FRK: variants seen among roughly 807,000 people sequenced by gnomAD.
The protein encoded by FRK is fyn related Src family tyrosine kinase, also known as tyrosine-protein kinase FRK.
FRK carries 51 observed loss-of-function variants against 56.4 expected under a neutral mutation model. The observed-to-expected ratio is 0.90, with a 90% CI of 0.72 to 1.14. The LOEUF (loss-of-function observed/expected upper bound fraction) is 1.14. Among genes scored for constraint, FRK ranks in the 50% most tolerant of loss-of-function variants. FRK has a pLI of 0.00. For missense variants in FRK, 570 were observed against 601.4 expected (o/e 0.95, Z 0.55); for synonymous variants, 245 against 217.9 (o/e 1.12, Z -1.10).
At chr6:116,052,503 C>A (rs77975197) in intron 1 of FRK, among the ~76,000 whole-genome samples, 2,096 of 152,148 alleles carry the variant, frequency 0.014, 41 homozygotes, top group African/African-American at 0.048. Flanking sequence ...CTGGGAGGAG[C>A]AATGGCTCAC....
At chr6:115,981,544 C>G (rs1774200671) in intron 2 of FRK, among the ~76,000 whole-genome samples, 1 of 151,876 alleles carries the variant, frequency 6.6e-6, no homozygotes, top group Non-Finnish European at 1.5e-5. Flanking sequence ...AAATCTTTCC[C>G]TTCTCTCTCA....
chr6:116,089,856 C>T, the FRK span, among the ~76,000 whole-genome samples: 2 of 151,928 alleles, frequency 1.3e-5, no homozygotes, highest in African/African-American at 4.8e-5. Context: ...ATAACAAACC[C>T]CAAGGCACAT....
chr6:116,057,669 G>A (rs1777451313), intron 1 of FRK, among the ~76,000 whole-genome samples: 1 of 152,138 alleles, frequency 6.6e-6, no homozygotes, highest in Non-Finnish European at 1.5e-5. Context: ...TAACTACAGA[G>A]ATCTAGAATG....
intron 2 of FRK, chr6:116,002,568 T>G (rs1222100351): frequency 2.7e-6 from 1 of 365,006 alleles, no homozygotes. Flanking sequence ...AGTGAGCCAC[T>G]GCACTCCAGC....
intron 2 of FRK, among the ~76,000 whole-genome samples, chr6:115,973,717 A>G (rs1773891780): frequency 6.6e-6 from 1 of 152,108 alleles, no homozygotes; most frequent in Non-Finnish European, 1.5e-5. Context: ...TAAAAATAGA[A>G]AAAATTAGCC....
At chr6:116,025,937 A>G (rs1220840329) in intron 1 of FRK, among the ~76,000 whole-genome samples, 1 of 152,188 alleles carries the variant, frequency 6.6e-6, no homozygotes, top group Non-Finnish European at 1.5e-5. Flanking sequence ...AACTGAGATG[A>G]GGAAACTCAT....
At chr6:116,008,872 G>A (rs1337322548) in intron 1 of FRK, among the ~76,000 whole-genome samples, 1 of 152,134 alleles carries the variant, frequency 6.6e-6, no homozygotes, top group Non-Finnish European at 1.5e-5. Context: ...CTCCAAGTGT[G>A]GTCCCTAGAT....
chr6:116,041,975 C>G (rs940482114), intron 1 of FRK, among the ~76,000 whole-genome samples: 1 of 152,190 alleles, frequency 6.6e-6, no homozygotes, highest in Non-Finnish European at 1.5e-5. Flanking sequence ...CCCCACGGAG[C>G]CCAGCAAGCT....
the FRK span, among the ~76,000 whole-genome samples, chr6:116,085,715 T>G: frequency 1.9e-4 from 28 of 149,950 alleles, no homozygotes; most frequent in South Asian, 8.4e-4. Flanking sequence ...TGTGTGTGGG[T>G]GTGTGTGTGT....
chr6:115,966,669 T>G (rs1409847299), intron 4 of FRK, among the ~76,000 whole-genome samples: 2 of 152,198 alleles, frequency 1.3e-5, no homozygotes, highest in East Asian at 3.8e-4. Flanking sequence ...TATTCTTACC[T>G]CTGTTATAAA....
chr6:115,993,664 T>C (rs890239276), intron 2 of FRK, among the ~76,000 whole-genome samples: 1 of 152,010 alleles, frequency 6.6e-6, no homozygotes, highest in Non-Finnish European at 1.5e-5. Flanking sequence ...GTAAGCATGC[T>C]TTCTTGAAAA....
At chr6:115,958,290 C>T (rs887505973) in intron 4 of FRK, among the ~76,000 whole-genome samples, 1 of 151,722 alleles carries the variant, frequency 6.6e-6, no homozygotes, top group Non-Finnish European at 1.5e-5. Context: ...ACCACCCCCC[C>T]CAAAAAAGAA....
chr6:116,054,426 A>G (rs1030961952), intron 1 of FRK, among the ~76,000 whole-genome samples: 1 of 145,284 alleles, frequency 6.9e-6, no homozygotes, highest in African/African-American at 2.5e-5. Flanking sequence ...TATTATTTAT[A>G]TAGTATATTA....
chr6:115,973,045 C>T (rs1321602528), intron 2 of FRK, among the ~76,000 whole-genome samples: 1 of 152,118 alleles, frequency 6.6e-6, no homozygotes, highest in Admixed American at 6.6e-5. Flanking sequence ...TAATGTTTTC[C>T]TTTACATTAA....
At chr6:116,013,708 TG>T (rs1775551525) in intron 1 of FRK, among the ~76,000 whole-genome samples, 2 of 152,168 alleles carry the variant, frequency 1.3e-5, no homozygotes, top group Non-Finnish European at 2.9e-5. Context: ...GGACACTATA[TG>T]GTTATACAGG....
chr6:116,010,006 T>A (rs1422448808), intron 1 of FRK, among the ~76,000 whole-genome samples: 2 of 152,122 alleles, frequency 1.3e-5, no homozygotes, highest in African/African-American at 4.8e-5. Flanking sequence ...GGTGGGTGGA[T>A]CACAAGGTCA....
chr6:116,079,648 T>G, the FRK span, among the ~76,000 whole-genome samples: 4 of 152,212 alleles, frequency 2.6e-5, no homozygotes, highest in Non-Finnish European at 5.9e-5. Context: ...TGGAGTGCAG[T>G]GGCACGGTCA....
chr6:116,070,525 T>TGG, the FRK span, among the ~76,000 whole-genome samples: 1 of 152,186 alleles, frequency 6.6e-6, no homozygotes, highest in African/African-American at 2.4e-5. Context: ...ACCTGAACCA[T>TGG]GGGCTTTCCT....
Position 116,060,048 on chromosome 6 carries a change from T to C in FRK, c.264A>G (p.Arg88=), listed in dbSNP as rs182385343. The stretch of plus-strand genomic sequence containing the variant: ...GTAGTTGCTGACTGGAGCCATCTCG[T>C]CTTTTCTCCAAGTGTCTGGCAAACC... ...GWWFARHLEK[R]RDGSSQQLQG... Residue 88 remains arginine, a synonymous_variant, in exon 1 of 8, where the codon AGA becomes AGG. Coordinates refer to ENST00000606080, the MANE Select transcript of FRK (RefSeq NM_002031.3). 2 of 1,614,172 alleles carry C rather than the reference T, an allele frequency of 1.2e-6. No homozygotes were observed. The highest frequency in any genetic ancestry group is 4.5e-5 in the East Asian group (2 of 44,880).
Sources: allele counts gnomAD v4.1 joint callset (sites outside exome capture counted in the v4.1 genomes callset), GRCh38; gene constraint gnomAD v4.1.1; transcripts MANE v1.5; gene names NCBI Gene and HGNC (gene_info 2026-07-23, HGNC 2026-07-21).